The following ITGAM variants were observed in gnomAD, a reference collection of about 807,000 sequenced individuals.
ITGAM encodes integrin alpha-M.
In ITGAM, 79 loss-of-function variants were observed where a neutral mutation model predicts 137.5. The ratio of observed to expected loss-of-function variants is 0.57; its 90% CI spans 0.48 to 0.69. ITGAM has a LOEUF of 0.69. Ranked by LOEUF, ITGAM falls within the 30% of genes least tolerant of loss-of-function variation. The probability of loss-of-function intolerance (pLI) is 0.00; values close to 1 mark genes in which losing one functional copy is unlikely to be tolerated. For synonymous variants in ITGAM, 583 were observed against 592.3 expected, an observed-to-expected ratio of 0.98 and a Z score of 0.23; for missense variants, 1,343 against 1,483.5, an observed-to-expected ratio of 0.91 and a Z score of 1.56.
At chr16:31,309,586 TG>T (rs1444671274) in intron 14 of ITGAM, among the ~76,000 whole-genome samples, 4 of 152,164 alleles carry the variant, frequency 2.6e-5, no homozygotes, top group Non-Finnish European at 5.9e-5. Flanking sequence ...AGCACACTGA[TG>T]GGTCTTGACT....
At position 31,265,806 on chromosome 16, in the gene ITGAM, C is replaced by T. The variant is rs562700079; in HGVS notation, c.239-5C>T. 1.5e-5 allele frequency: 25 copies of T among 1,613,642 alleles called. No individual in the cohort carries two copies. Among genetic ancestry groups the T allele is most frequent in the African/African-American group, 9.3e-5 (7 of 75,012 alleles). ...GGGTGACCATGCCCATATCTGTCCC[C>T]GCAGTCCCCGTGGAGGCCGTGAACA... is the stretch of plus-strand genomic sequence containing the variant. On this transcript the variant is annotated splice_region_variant and splice_polypyrimidine_tract_variant and intron_variant, in intron 3 of 29. Coordinates refer to ENST00000544665, the MANE Select transcript of ITGAM (RefSeq NM_000632.4).
At chr16:31,276,122 G>A (rs1433519292) in intron 9 of ITGAM, among the ~76,000 whole-genome samples, 1 of 152,156 alleles carries the variant, frequency 6.6e-6, no homozygotes, top group Non-Finnish European at 1.5e-5. Flanking sequence ...CTGGGTTTAT[G>A]GCTTATCTTG....
intron 14 of ITGAM, among the ~76,000 whole-genome samples, chr16:31,301,430 T>C (rs1186564677): frequency 6.6e-6 from 1 of 152,220 alleles, no homozygotes; most frequent in Non-Finnish European, 1.5e-5. Flanking sequence ...TATATGTCTA[T>C]CTTTATGCTA....
At chr16:31,287,732 C>T (rs2080043744) in intron 12 of ITGAM, among the ~76,000 whole-genome samples, 2 of 152,248 alleles carry the variant, frequency 1.3e-5, no homozygotes. Flanking sequence ...AACAGCTTGT[C>T]ATAATTCTTT....
Position 31,325,497 on chromosome 16 carries a change from C to G in ITGAM, c.2506-3C>G, listed in dbSNP as rs2080499345. The G allele has an allele frequency of 6.2e-7, 1 of 1,613,820 alleles. No individual in the cohort carries two copies. Among genetic ancestry groups the G allele is most frequent in the South Asian group, 1.1e-5 (1 of 91,070 alleles). ...CACCGCCTTTGCCTCCCCTGCCTTCCAGAACCAGCGCTCACAGCGATCCTG... is the reference window on the plus strand; with the variant it reads ...CACCGCCTTTGCCTCCCCTGCCTTCGAGAACCAGCGCTCACAGCGATCCTG... On this transcript the variant is annotated splice_region_variant and splice_polypyrimidine_tract_variant and intron_variant, in intron 20 of 29. Coordinates refer to ENST00000544665, the MANE Select transcript of ITGAM (RefSeq NM_000632.4).
intron 2 of ITGAM, 32 bp from the exon 3 acceptor site, chr16:31,265,363 G>A (rs763989346): frequency 6.7e-6 from 9 of 1,338,080 alleles, no homozygotes; most frequent in African/African-American, 1.5e-5. Flanking sequence ...CCCACATGTC[G>A]AAGTTTTCTC....
At chr16:31,261,604 T>G in intron 1 of ITGAM, 88 bp from the exon 2 acceptor site, 6 of 761,294 alleles carry the variant, frequency 7.9e-6, no homozygotes. Context: ...GTGATCCTCC[T>G]GCCTCAGCCC....
intron 12 of ITGAM, among the ~76,000 whole-genome samples, chr16:31,283,732 A>G (rs1054408155): frequency 6.6e-6 from 1 of 152,222 alleles, no homozygotes; most frequent in Non-Finnish European, 1.5e-5. Context: ...TCAACTCGTT[A>G]AAGTCATTCT....
At chr16:31,327,123 A>G in intron 22 of ITGAM, 188 bp downstream of exon 22, 1 of 625,852 alleles carries the variant, frequency 1.6e-6, no homozygotes, top group South Asian at 1.8e-5. Flanking sequence ...GTGGTGGATC[A>G]GACGATAGTG....
At chr16:31,260,172 A>G (rs1225387281) in intron 1 of ITGAM, 80 bp downstream of exon 1, 2 of 1,037,028 alleles carry the variant, frequency 1.9e-6, no homozygotes, top group Non-Finnish European at 2.8e-6. Context: ...GGCCCAGAAT[A>G]TGTAGGAGTC....
chr16:31,299,651 G>A (rs922762420), intron 14 of ITGAM, among the ~76,000 whole-genome samples: 2 of 152,220 alleles, frequency 1.3e-5, no homozygotes, highest in South Asian at 4.1e-4. Context: ...AAACCACGCC[G>A]TATTCATCCT....
In ITGAM at chr16:31,302,030, C is replaced by CA. The variant is rs915958369; in HGVS notation, c.1707+4085dup. On this transcript the variant is annotated intron_variant, in intron 14 of 29. Coordinates refer to ENST00000544665, the MANE Select transcript of ITGAM (RefSeq NM_000632.4). ...TAACATAATCAAAAATTAACCCTGA[C>CA]AAAAAAAAACCCACTTATTTTGGCT... 1.0e-3 allele frequency among the ~76,000 whole-genome samples: 150 copies of CA among 150,684 alleles called. 1 individual carries two copies. Among genetic ancestry groups the CA allele is most frequent in the Middle Eastern group, 3.4e-3 (1 of 294 alleles).
chr16:31,283,977 G>A (rs975800686), intron 12 of ITGAM, among the ~76,000 whole-genome samples: 4 of 152,222 alleles, frequency 2.6e-5, no homozygotes, highest in Non-Finnish European at 5.9e-5. Flanking sequence ...GTCTGTTGGA[G>A]TTTGCCGGAG....
chr16:31,302,428 C>CTTCTTTCT (rs201632413), intron 14 of ITGAM, among the ~76,000 whole-genome samples: 9 of 103,124 alleles, frequency 8.7e-5, no homozygotes, highest in Non-Finnish European at 1.3e-4. Flanking sequence ...TTCTTTCTTT[C>CTTCTTTCT]TTCTTTCTTT....
intron 14 of ITGAM, among the ~76,000 whole-genome samples, chr16:31,300,393 C>T (rs1474035406): frequency 1.3e-5 from 2 of 152,324 alleles, no homozygotes; most frequent in Middle Eastern, 3.4e-3. Flanking sequence ...TTTGCAGTCT[C>T]GCCAACAGTG....
intron 14 of ITGAM, among the ~76,000 whole-genome samples, chr16:31,300,954 A>G (rs568404287): frequency 3.9e-5 from 6 of 152,130 alleles, no homozygotes; most frequent in Non-Finnish European, 7.4e-5. Flanking sequence ...ATTGAGTTGT[A>G]TGAGTTCACT....
chr16:31,329,099 A>G, intron 23 of ITGAM, 129 bp from the exon 24 acceptor site: 1 of 57,060 alleles, frequency 1.8e-5, no homozygotes, highest in South Asian at 8.6e-5. Flanking sequence ...ACCCCACCCC[A>G]TCTCCACCCC....
chr16:31,310,341 G>A (rs796605481), intron 14 of ITGAM, among the ~76,000 whole-genome samples: 1 of 151,544 alleles, frequency 6.6e-6, no homozygotes, highest in African/African-American at 2.4e-5. Flanking sequence ...CCAATGAGAT[G>A]TAGATTTGGT....
intron 11 of ITGAM, among the ~76,000 whole-genome samples, chr16:31,277,563 G>A (rs866782581): frequency 5.3e-5 from 8 of 152,126 alleles, no homozygotes; most frequent in Middle Eastern, 3.4e-3. Flanking sequence ...TCTCCATGTC[G>A]GTCAGGCTGG....
Sources: allele counts gnomAD v4.1 joint callset (sites outside exome capture counted in the v4.1 genomes callset), GRCh38; gene constraint gnomAD v4.1.1; transcripts MANE v1.5; gene names NCBI Gene and HGNC (gene_info 2026-07-23, HGNC 2026-07-21).